Variants in LRP1B observed in about 807,000 individuals in gnomAD.
LRP1B encodes the protein LDL receptor related protein 1B, also known as low-density lipoprotein receptor-related protein 1B.
In LRP1B, 217 loss-of-function variants were observed where a neutral mutation model predicts 556.6. That is an observed-to-expected ratio of 0.39 (90% CI 0.35 to 0.44). The LOEUF (loss-of-function observed/expected upper bound fraction) is 0.44, where lower values mean the gene tolerates loss of function less well. Among genes scored for constraint, LRP1B ranks in the 20% least tolerant of loss-of-function variants. LRP1B has a pLI of 1.00. For missense variants in LRP1B, 5,053 were observed against 5,620.8 expected, an observed-to-expected ratio of 0.90 and a Z score of 3.23; for synonymous variants, 2,047 against 1,865.8, an observed-to-expected ratio of 1.10 and a Z score of -2.50.
chr2:141,057,365 A>C (rs558240931), intron 9 of LRP1B, among the ~76,000 whole-genome samples: 2 of 151,520 alleles, frequency 1.3e-5, no homozygotes, highest in South Asian at 4.2e-4. Context: ...TATTCTTGCC[A>C]CTCCTTGAAC....
chr2:141,943,968 T>C (rs1204398864), intron 1 of LRP1B, among the ~76,000 whole-genome samples: 2 of 152,152 alleles, frequency 1.3e-5, no homozygotes, highest in Admixed American at 6.5e-5. Flanking sequence ...ATCTCCCAGA[T>C]TGAATCCCAG....
intron 10 of LRP1B, among the ~76,000 whole-genome samples, chr2:141,053,022 T>G (rs1699080556): frequency 6.6e-6 from 1 of 152,080 alleles, no homozygotes; most frequent in Non-Finnish European, 1.5e-5. Flanking sequence ...TGTTTGTTTG[T>G]GTATGTAGGT....
rs1366238744 is a variant in LRP1B at position 140,233,175 on chromosome 2, G to T, written c.*11C>A. On this transcript the variant is annotated 3_prime_UTR_variant, in exon 91 of 91. Coordinates refer to ENST00000389484, the MANE Select transcript of LRP1B (RefSeq NM_018557.3). The stretch of plus-strand genomic sequence containing the variant: ...TTATACATTTATACAGCATATAAAA[G>T]ATATCACTGATTATGCCACTGTCTC... 6.4e-7 allele frequency: 1 copy of T among 1,559,614 alleles called. No homozygotes were observed. Among genetic ancestry groups the T allele is most frequent in the Non-Finnish European group, 8.8e-7 (1 of 1,138,036 alleles).
intron 2 of LRP1B, among the ~76,000 whole-genome samples, chr2:141,620,391 T>A (rs1341985761): frequency 1.3e-5 from 2 of 152,212 alleles, no homozygotes; most frequent in Non-Finnish European, 2.9e-5. Flanking sequence ...TTCTAACAAG[T>A]TAATTGTAAA....
intron 3 of LRP1B, among the ~76,000 whole-genome samples, chr2:141,272,073 T>C (rs989323490): frequency 6.6e-6 from 1 of 152,070 alleles, no homozygotes; most frequent in African/African-American, 2.4e-5. Flanking sequence ...CTAACCTGTC[T>C]TCTCTCAGCC....
chr2:141,166,355 TTC>T (rs1254034463), intron 7 of LRP1B, among the ~76,000 whole-genome samples: 1 of 147,098 alleles, frequency 6.8e-6, no homozygotes, highest in African/African-American at 2.4e-5. Flanking sequence ...GACTAACATC[TTC>T]TCTCTCATTC....
At chr2:140,750,980 T>TC (rs1216972201) in intron 35 of LRP1B, among the ~76,000 whole-genome samples, 1 of 117,336 alleles carries the variant, frequency 8.5e-6, no homozygotes, top group Non-Finnish European at 1.6e-5. Context: ...CAGTTATAAC[T>TC]CTTTTTTTTT....
intron 2 of LRP1B, among the ~76,000 whole-genome samples, chr2:141,789,227 G>T (rs1558876368): frequency 6.6e-6 from 1 of 151,934 alleles, no homozygotes; most frequent in African/African-American, 2.4e-5. Flanking sequence ...TTTTATAGGA[G>T]GGGGGTGTCC....
At chr2:141,031,249 T>C (rs954603509) in intron 11 of LRP1B, among the ~76,000 whole-genome samples, 5 of 94,916 alleles carry the variant, frequency 5.3e-5, no homozygotes, top group Non-Finnish European at 1.1e-4. Context: ...CATATATACA[T>C]ATCACACACA....
intron 2 of LRP1B, among the ~76,000 whole-genome samples, chr2:141,516,529 C>T (rs1199765202): frequency 6.6e-6 from 1 of 151,992 alleles, no homozygotes; most frequent in East Asian, 1.9e-4. Context: ...AAGTAATGGG[C>T]TCAATCCAAT....
chr2:141,690,396 A>AATAAATAAATAAATAT lies in LRP1B; in HGVS notation c.205+119882_205+119883insATATTTATTTATTTAT, dbSNP rs5834858. 1.7e-3 allele frequency among the ~76,000 whole-genome samples: 45 copies of AATAAATAAATAAATAT among 26,854 alleles called. 1 individual carries two copies. Among genetic ancestry groups the AATAAATAAATAAATAT allele is most frequent in the South Asian group, 3.0e-3 (2 of 666 alleles). 17.6% of individuals were successfully genotyped at this position (26,854 alleles called of 152,430 possible). A position where few individuals can be genotyped will look rare whatever the true frequency, so the allele number is the denominator to read the frequency against. The stretch of plus-strand genomic sequence containing the variant: ...ATCCAGAAAAGGGATTACATCTATA[A>AATAAATAAATAAATAT]ATATATATATATATATATATATATA... On this transcript the variant is annotated intron_variant, in intron 2 of 90. Transcript: ENST00000389484.
At chr2:140,791,256 GCAAAACAAAA>G (rs1209747855) in intron 32 of LRP1B, among the ~76,000 whole-genome samples, 1 of 151,482 alleles carries the variant, frequency 6.6e-6, no homozygotes, top group Non-Finnish European at 1.5e-5. Flanking sequence ...CCATCTAAAA[GCAAAACAAAA>G]CAAAACAAAA....
In LRP1B at chr2:141,623,743, G is replaced by T. The variant is rs568842120; in HGVS notation, c.206-143210C>A. Among the ~76,000 whole-genome samples the T allele has an allele frequency of 1.2e-4, 18 of 151,884 alleles. No homozygotes were observed. The East Asian group carries it at 3.3e-3, about 28-fold the overall frequency. ...TACAGAAAAAAGATTAGGGCCAAGC[G>T]GGGTGGCTCAAGCCTGTAATCCCAG... On this transcript the variant is annotated intron_variant, in intron 2 of 90. Transcript: ENST00000389484.
At chr2:141,209,506 G>A (rs900682500) in intron 6 of LRP1B, among the ~76,000 whole-genome samples, 7 of 152,110 alleles carry the variant, frequency 4.6e-5, no homozygotes, top group South Asian at 2.1e-4. Flanking sequence ...GTGTGAGAAC[G>A]GACTAATCCA....
At chr2:140,502,930 A>C in intron 54 of LRP1B, 33 bp downstream of exon 54, 1 of 1,603,902 alleles carries the variant, frequency 6.2e-7, no homozygotes, top group Non-Finnish European at 8.5e-7. Flanking sequence ...AAAACACTTT[A>C]GAGTAAATGC....
intron 1 of LRP1B, among the ~76,000 whole-genome samples, chr2:142,085,068 A>C (rs960964840): frequency 2.0e-5 from 3 of 152,128 alleles, no homozygotes; most frequent in Admixed American, 6.5e-5. Context: ...ATTTTTGTCC[A>C]CTCCACGTTA....
At chr2:141,256,454 T>C (rs1450149478) in intron 3 of LRP1B, among the ~76,000 whole-genome samples, 1 of 152,070 alleles carries the variant, frequency 6.6e-6, no homozygotes, top group Non-Finnish European at 1.5e-5. Flanking sequence ...AGTAGAATTT[T>C]CTGTTTAGGC....
chr2:140,659,035 G>A (rs1459110185), intron 41 of LRP1B, among the ~76,000 whole-genome samples: 1 of 137,116 alleles, frequency 7.3e-6, no homozygotes, highest in Non-Finnish European at 1.5e-5. Context: ...TTTCTGAGTT[G>A]TAAATCTGTT....
intron 6 of LRP1B, among the ~76,000 whole-genome samples, chr2:141,202,881 C>T (rs1490683698): frequency 6.6e-6 from 1 of 151,964 alleles, no homozygotes; most frequent in Non-Finnish European, 1.5e-5. Context: ...GCTCCCCTAA[C>T]CCCCACCCCC....
Sources: gnomAD v4.1 joint callset for allele counts (sites outside exome capture counted in the v4.1 genomes callset) on GRCh38, gnomAD v4.1.1 for gene constraint, MANE v1.5 for transcripts, NCBI Gene and HGNC (gene_info 2026-07-23, HGNC 2026-07-21) for gene names.